The following FAR2 variants were observed in gnomAD, a reference collection of about 807,000 sequenced individuals.
FAR2 encodes fatty acyl-CoA reductase 2, also known as epididymis secretory protein Li 81.
FAR2 carries 19 observed loss-of-function variants against 56.0 expected under a neutral mutation model. The ratio of observed to expected loss-of-function variants is 0.34; its 90% CI spans 0.24 to 0.50. The LOEUF is 0.50. FAR2 is among the 20% of genes least tolerant of loss of function. FAR2 has a pLI of 0.98. For synonymous variants in FAR2, 219 were observed against 218.8 expected, an observed-to-expected ratio of 1.00 and a Z score of -0.01; for missense variants, 508 against 642.2, an observed-to-expected ratio of 0.79 and a Z score of 2.26.
chr12:29,251,028 A>G (rs1351052423), intron 1 of FAR2, among the ~76,000 whole-genome samples: 1 of 152,226 alleles, frequency 6.6e-6, no homozygotes, highest in Non-Finnish European at 1.5e-5. Context: ...CAGAGTCAAA[A>G]CAGCAATCAG....
chr12:29,334,009 A>G lies in FAR2; in HGVS notation c.*215A>G. On this transcript the variant is annotated 3_prime_UTR_variant, in exon 12 of 12. Coordinates refer to ENST00000536681, the MANE Select transcript of FAR2 (RefSeq NM_001271783.2). ...ATAGTCACCTATATTTTAGGGAAAAAAATCCAAATTGTTTCCTAACATTCT... is the reference window on the plus strand; with the variant it reads ...ATAGTCACCTATATTTTAGGGAAAAGAATCCAAATTGTTTCCTAACATTCT... The G allele has an allele frequency of 2.4e-6, 1 of 409,296 alleles. No homozygotes were observed. Among genetic ancestry groups the G allele is most frequent in the Non-Finnish European group, 4.3e-6 (1 of 233,840 alleles). The allele number at this position is 409,296 out of a possible 1,614,324, so 25.4% of individuals were successfully genotyped here.
At chr12:29,190,633 T>C (rs1449733460) in intron 1 of FAR2, among the ~76,000 whole-genome samples, 2 of 151,948 alleles carry the variant, frequency 1.3e-5, no homozygotes, top group African/African-American at 2.4e-5. Flanking sequence ...CCCGGCTAAT[T>C]TTTTGTAGTT....
At chr12:29,256,255 A>G (rs929273932) in intron 1 of FAR2, among the ~76,000 whole-genome samples, 1 of 152,004 alleles carries the variant, frequency 6.6e-6, no homozygotes, top group Non-Finnish European at 1.5e-5. Flanking sequence ...TGGCGCCATC[A>G]TAGCTCACTG....
intron 1 of FAR2, among the ~76,000 whole-genome samples, chr12:29,259,358 T>TA (rs1478765208): frequency 4.6e-5 from 7 of 152,176 alleles, no homozygotes; most frequent in African/African-American, 1.7e-4. Context: ...AGTGCCAAGA[T>TA]AAAAAATCCT....
At chr12:29,204,093 GT>G (rs944521355) in intron 1 of FAR2, among the ~76,000 whole-genome samples, 10 of 149,038 alleles carry the variant, frequency 6.7e-5, no homozygotes, top group African/African-American at 2.5e-4. Context: ...GCATGATTTT[GT>G]AATCAATAAC....
chr12:29,326,324 C>G (rs553193648), intron 10 of FAR2, among the ~76,000 whole-genome samples: 9 of 152,114 alleles, frequency 5.9e-5, no homozygotes, highest in Non-Finnish European at 1.2e-4. Context: ...ACCAGAGTTA[C>G]GAGGAGGACC....
Position 29,235,130 on chromosome 12 carries a change from T to C in FAR2, c.-38-35282T>C, listed in dbSNP as rs189140951. On this transcript the variant is annotated intron_variant, in intron 1 of 11. Coordinates refer to ENST00000536681, the MANE Select transcript of FAR2 (RefSeq NM_001271783.2). ...TACAAAGCAGAGATCACATCCTTCT[T>C]ATTCACTATCACCCCTTGCTGGCTA... is the stretch of plus-strand genomic sequence containing the variant. 1.0e-3 allele frequency among the ~76,000 whole-genome samples: 153 copies of C among 152,336 alleles called. 1 individual carries two copies. The highest frequency in any genetic ancestry group is 3.4e-3 in the African/African-American group (140 of 41,582).
At chr12:29,302,862 AG>A (rs1949199369) in intron 4 of FAR2, among the ~76,000 whole-genome samples, 1 of 152,144 alleles carries the variant, frequency 6.6e-6, no homozygotes, top group Non-Finnish European at 1.5e-5. Flanking sequence ...GTGAGGCAAC[AG>A]GTATAAAAAA....
intron 1 of FAR2, among the ~76,000 whole-genome samples, chr12:29,168,438 A>T (rs1949851858): frequency 6.6e-6 from 1 of 152,356 alleles, no homozygotes; most frequent in East Asian, 1.9e-4. Flanking sequence ...GATGTTTCAA[A>T]AGCTCATTTC....
chr12:29,149,786 C>A (rs1949666914), intron 1 of FAR2, among the ~76,000 whole-genome samples: 1 of 152,208 alleles, frequency 6.6e-6, no homozygotes, highest in South Asian at 2.1e-4. Context: ...GGGGCCGAGT[C>A]CCACCCAGGC....
intron 1 of FAR2, among the ~76,000 whole-genome samples, chr12:29,240,230 A>G (rs1948005780): frequency 6.6e-6 from 1 of 152,236 alleles, no homozygotes; most frequent in Non-Finnish European, 1.5e-5. Context: ...AAGCAAAAAC[A>G]TAACTCATGC....
chr12:29,172,815 T>C (rs1320537164), intron 1 of FAR2, among the ~76,000 whole-genome samples: 1 of 152,180 alleles, frequency 6.6e-6, no homozygotes, highest in Non-Finnish European at 1.5e-5. Context: ...CATTTAATAA[T>C]TCACGGACTT....
intron 2 of FAR2, chr12:29,291,428 T>C: frequency 2.2e-6 from 1 of 456,086 alleles, no homozygotes; most frequent in South Asian, 1.5e-5. Flanking sequence ...TGAAAGCTAC[T>C]GATGCGAAGA....
At chr12:29,274,936 C>T (rs1012213422) in intron 2 of FAR2, among the ~76,000 whole-genome samples, 1 of 148,996 alleles carries the variant, frequency 6.7e-6, no homozygotes, top group African/African-American at 2.5e-5. Flanking sequence ...TTGGTGGTCT[C>T]CTCAAATGGA....
At chr12:29,307,883 C>A (rs1949279630) in intron 5 of FAR2, 48 bp downstream of exon 5, 1 of 1,546,336 alleles carries the variant, frequency 6.5e-7, no homozygotes, top group Non-Finnish European at 8.7e-7. Flanking sequence ...AACTAAGGTT[C>A]TTCTAGTCCA....
chr12:29,196,538 T>C (rs1387760369), intron 1 of FAR2, among the ~76,000 whole-genome samples: 2 of 152,140 alleles, frequency 1.3e-5, no homozygotes, highest in Admixed American at 1.3e-4. Flanking sequence ...ATGGAGTTGG[T>C]TCCAGGAAAA....
intron 1 of FAR2, among the ~76,000 whole-genome samples, chr12:29,183,274 C>T (rs1217773697): frequency 6.6e-6 from 1 of 152,216 alleles, no homozygotes; most frequent in Non-Finnish European, 1.5e-5. Flanking sequence ...CCTCAACATT[C>T]TTTCCTTGGC....
chr12:29,217,333 A>G (rs1206416644), intron 1 of FAR2, among the ~76,000 whole-genome samples: 1 of 152,168 alleles, frequency 6.6e-6, no homozygotes, highest in African/African-American at 2.4e-5. Context: ...TTACACCAAG[A>G]ATCTTAGCTG....
chr12:29,311,208 C>T (rs997539635), intron 7 of FAR2, 62 bp downstream of exon 7: 10 of 1,160,448 alleles, frequency 8.6e-6, no homozygotes, highest in South Asian at 3.7e-5. Context: ...ATATTAGGCC[C>T]ATTTTCCAAA....
Sources: gnomAD v4.1 joint callset for allele counts (sites outside exome capture counted in the v4.1 genomes callset) on GRCh38, gnomAD v4.1.1 for gene constraint, MANE v1.5 for transcripts, NCBI Gene and HGNC (gene_info 2026-07-23, HGNC 2026-07-21) for gene names.